Variants in TRDN observed in about 807,000 individuals in gnomAD.
TRDN encodes the protein triadin in skeletal muscle.
Under a neutral mutation model 149.7 loss-of-function variants are expected in TRDN, and 161 were observed. The ratio of observed to expected loss-of-function variants is 1.08; its 90% CI spans 0.95 to 1.23. The LOEUF (loss-of-function observed/expected upper bound fraction) is 1.23. Ranked by LOEUF, TRDN falls within the 50% of genes most tolerant of loss-of-function variation. TRDN has a pLI of 0.00. For missense variants in TRDN, 896 were observed against 823.5 expected (o/e 1.09, Z -1.08); for synonymous variants, 294 against 250.5 (o/e 1.17, Z -1.64).
intron 32 of TRDN, among the ~76,000 whole-genome samples, chr6:123,267,145 C>G (rs769737025): frequency 3.5e-4 from 50 of 142,630 alleles, no homozygotes; most frequent in Admixed American, 9.9e-4. Flanking sequence ...TGGATATCAT[C>G]ACATATTTTT....
intron 12 of TRDN, among the ~76,000 whole-genome samples, chr6:123,397,245 A>C (rs1772770447): frequency 6.6e-6 from 1 of 152,122 alleles, no homozygotes; most frequent in Non-Finnish European, 1.5e-5. Context: ...AGAGAGAGGA[A>C]CTGACAGGGG....
chr6:123,393,185 A>T (rs183563478), intron 13 of TRDN, among the ~76,000 whole-genome samples: 1 of 152,180 alleles, frequency 6.6e-6, no homozygotes, highest in Non-Finnish European at 1.5e-5. Flanking sequence ...CCATATCTGG[A>T]ACCCCATTTT....
At chr6:123,525,090 A>G (rs950933596) in intron 5 of TRDN, among the ~76,000 whole-genome samples, 2 of 152,146 alleles carry the variant, frequency 1.3e-5, no homozygotes, top group Admixed American at 1.3e-4. Context: ...GAGAACACTT[A>G]TACACTGTTA....
intron 2 of TRDN, among the ~76,000 whole-genome samples, chr6:123,552,418 C>T (rs1781445931): frequency 6.6e-6 from 1 of 152,114 alleles, no homozygotes; most frequent in Non-Finnish European, 1.5e-5. Flanking sequence ...CATAGTTTCA[C>T]TGTTATCTTT....
intron 39 of TRDN, among the ~76,000 whole-genome samples, chr6:123,222,801 A>T (rs1415980527): frequency 1.3e-5 from 2 of 151,892 alleles, no homozygotes; most frequent in African/African-American, 4.8e-5. Context: ...ATTTACAAGA[A>T]AAAAGCAAAC....
In TRDN at chr6:123,620,438, G is replaced by A. The variant is rs575695808; in HGVS notation, c.22+16316C>T. Among the ~76,000 whole-genome samples, 74 of 152,190 alleles carry A rather than the reference G, an allele frequency of 4.9e-4. 1 individual carries two copies. The South Asian group carries it at 0.015, about 31-fold the overall frequency. ...ACTTATTCGGAATTTTCTCAAAGTTGTTATGTCCATATAGCTCACATGCAT... is the reference window on the plus strand; with the variant it reads ...ACTTATTCGGAATTTTCTCAAAGTTATTATGTCCATATAGCTCACATGCAT... On this transcript the variant is annotated intron_variant, in intron 1 of 40. Coordinates refer to ENST00000334268, the MANE Select transcript of TRDN (RefSeq NM_006073.4).
At chr6:123,594,179 A>G (rs1464643490) in intron 1 of TRDN, among the ~76,000 whole-genome samples, 1 of 152,198 alleles carries the variant, frequency 6.6e-6, no homozygotes, top group African/African-American at 2.4e-5. Context: ...AGTAACTACA[A>G]TTTGACCAGA....
intron 9 of TRDN, among the ~76,000 whole-genome samples, chr6:123,474,017 T>G (rs558664401): frequency 1.3e-5 from 2 of 151,118 alleles, no homozygotes; most frequent in South Asian, 4.2e-4. Context: ...CCATCGAGAC[T>G]AGGAAGAAAC....
chr6:123,541,875 G>T (rs1780852452), intron 4 of TRDN, among the ~76,000 whole-genome samples: 1 of 152,098 alleles, frequency 6.6e-6, no homozygotes, highest in South Asian at 2.1e-4. Context: ...TGCAATGAAA[G>T]CTCTGACACA....
At chr6:123,232,474 A>T (rs981032357) in intron 38 of TRDN, among the ~76,000 whole-genome samples, 1 of 152,016 alleles carries the variant, frequency 6.6e-6, no homozygotes, top group Admixed American at 6.6e-5. Context: ...TCTAGTTCAG[A>T]AGTGGCTGCA....
intron 10 of TRDN, chr6:123,442,395 A>T (rs1774959569): frequency 7.5e-6 from 1 of 133,302 alleles, no homozygotes; most frequent in African/African-American, 3.3e-5. Context: ...TACAAAAAAA[A>T]ATTAGCCGGG....
At chr6:123,573,420 G>T (rs762724653) in intron 1 of TRDN, among the ~76,000 whole-genome samples, 4 of 151,854 alleles carry the variant, frequency 2.6e-5, no homozygotes, top group Non-Finnish European at 5.9e-5. Flanking sequence ...CACCTTCATT[G>T]CTACCAGCAC....
chr6:123,623,251 CCTT>C (rs1785487735), intron 1 of TRDN, among the ~76,000 whole-genome samples: 1 of 151,812 alleles, frequency 6.6e-6, no homozygotes, highest in Non-Finnish European at 1.5e-5. Flanking sequence ...AGCAAAATGA[CCTT>C]CTCACCAATC....
chr6:123,312,250 T>C (rs1778852382), intron 24 of TRDN, among the ~76,000 whole-genome samples: 2 of 151,936 alleles, frequency 1.3e-5, no homozygotes, highest in South Asian at 2.1e-4. Flanking sequence ...GAAATTACCA[T>C]GCATTCTGTA....
chr6:123,603,459 T>C (rs921865879), intron 1 of TRDN, among the ~76,000 whole-genome samples: 1 of 152,132 alleles, frequency 6.6e-6, no homozygotes, highest in African/African-American at 2.4e-5. Flanking sequence ...TATTTTGGTA[T>C]TTGTTTTGTT....
intron 12 of TRDN, among the ~76,000 whole-genome samples, chr6:123,407,910 C>A (rs971740854): frequency 6.6e-6 from 1 of 152,134 alleles, no homozygotes; most frequent in Non-Finnish European, 1.5e-5. Flanking sequence ...GACCTCACCA[C>A]AATAAACCAC....
At chr6:123,334,084 C>T (rs1779771623) in intron 22 of TRDN, among the ~76,000 whole-genome samples, 1 of 151,972 alleles carries the variant, frequency 6.6e-6, no homozygotes, top group Admixed American at 6.6e-5. Flanking sequence ...TGATGAAGTA[C>T]AGCATGGCTG....
chr6:123,552,577 A>C (rs1781452365), intron 2 of TRDN, among the ~76,000 whole-genome samples: 1 of 152,164 alleles, frequency 6.6e-6, no homozygotes, highest in South Asian at 2.1e-4. Flanking sequence ...GCGCTGTGCC[A>C]ACTATATTGA....
chr6:123,259,780 T>G, intron 34 of TRDN, 118 bp from the exon 35 acceptor site: 1 of 673,190 alleles, frequency 1.5e-6, no homozygotes, highest in Non-Finnish European at 2.4e-6. Flanking sequence ...GAGTCAGGGC[T>G]CTCTCATTTC....
Sources: gnomAD v4.1 joint callset for allele counts (sites outside exome capture counted in the v4.1 genomes callset) on GRCh38, gnomAD v4.1.1 for gene constraint, MANE v1.5 for transcripts, NCBI Gene and HGNC (gene_info 2026-07-23, HGNC 2026-07-21) for gene names.